The following BTD variants were observed in gnomAD, a reference collection of about 807,000 sequenced individuals.
BTD encodes the protein biotinidase, also known as biocytinase.
In BTD, 13 loss-of-function variants were observed where a neutral mutation model predicts 17.7. The ratio of observed to expected loss-of-function variants is 0.74; its 90% CI spans 0.48 to 1.17. The LOEUF is 1.17. Among genes scored for constraint, BTD ranks in the 50% most tolerant of loss-of-function variants. BTD has a pLI of 0.00. For missense variants in BTD, 674 were observed against 650.4 expected (o/e 1.04, Z -0.39); for synonymous variants, 240 against 245.2 (o/e 0.98, Z 0.20).
chr3:15,690,468 G>A (rs942601916), intron 3 of BTD, among the ~76,000 whole-genome samples: 1 of 152,212 alleles, frequency 6.6e-6, no homozygotes, highest in Non-Finnish European at 1.5e-5. Flanking sequence ...ATCTTTTCAT[G>A]AGTATACAAT....
intron 4 of BTD, among the ~76,000 whole-genome samples, chr3:15,721,542 T>C (rs1410093538): frequency 2.6e-5 from 4 of 152,196 alleles, no homozygotes; most frequent in Admixed American, 2.6e-4. Flanking sequence ...TTCATCTTTT[T>C]CATTTTGCAG....
In BTD at chr3:15,601,840, G is replaced by C; in HGVS notation, c.-71G>C. ...GGCCAGCTGGAGCGTTTTCGGGGCT[G>C]TAAAGGGAGAATGGCGCATGCGCAT... On this transcript the variant is annotated 5_prime_UTR_variant, in exon 1 of 4. Coordinates refer to ENST00000643237, the MANE Select transcript of BTD (RefSeq NM_001370658.1). The C allele has an allele frequency of 6.2e-7, 1 of 1,614,214 alleles. No homozygotes were observed. The highest frequency in any genetic ancestry group is 1.1e-5 in the South Asian group (1 of 91,078).
chr3:15,666,003 T>A (rs1228399337), intron 3 of BTD, among the ~76,000 whole-genome samples: 1 of 151,990 alleles, frequency 6.6e-6, no homozygotes, highest in African/African-American at 2.4e-5. Context: ...ACAACTTAGA[T>A]TTGGGGTGGT....
intron 3 of BTD, chr3:15,690,004 T>G: frequency 1.2e-5 from 19 of 1,586,884 alleles, no homozygotes; most frequent in Non-Finnish European, 1.6e-5. Flanking sequence ...AAATCAAGCA[T>G]AATATCTGGC....
chr3:15,675,133 C>T (rs922007520), intron 3 of BTD, among the ~76,000 whole-genome samples: 3 of 151,966 alleles, frequency 2.0e-5, no homozygotes, highest in African/African-American at 7.3e-5. Flanking sequence ...AGCCAGGCGT[C>T]GTGGCAGGTG....
rs1429019130 is a variant in BTD at position 15,650,073 on chromosome 3, C to T, written c.*4585C>T. Among the ~76,000 whole-genome samples, 1 of 152,238 alleles carries T rather than the reference C, an allele frequency of 6.6e-6. No homozygotes were observed. The highest frequency in any genetic ancestry group is 1.5e-5 in the Non-Finnish European group (1 of 68,038). ...GAGACCCACCCTCTAAGACCAGAGC[C>T]AGTGTCCTATTCATCTTTTGTCTCT... On this transcript the variant is annotated 3_prime_UTR_variant, in exon 4 of 4. Coordinates refer to ENST00000643237, the MANE Select transcript of BTD (RefSeq NM_001370658.1).
chr3:15,687,332 G>T (rs1052321761), intron 3 of BTD, among the ~76,000 whole-genome samples: 17 of 150,188 alleles, frequency 1.1e-4, no homozygotes, highest in South Asian at 8.4e-4. Context: ...AATTTCAAAT[G>T]ATATATATAT....
intron 1 of BTD, among the ~76,000 whole-genome samples, chr3:15,615,824 A>G (rs1203448469): frequency 1.3e-5 from 2 of 152,214 alleles, no homozygotes; most frequent in Non-Finnish European, 2.9e-5. Flanking sequence ...AACACTTGGC[A>G]ACCACTGATC....
At chr3:15,643,880 G>T in intron 3 of BTD, among the ~76,000 whole-genome samples, 1 of 98,218 alleles carries the variant, frequency 1.0e-5, no homozygotes, top group Non-Finnish European at 1.9e-5. Flanking sequence ...AATGTAACAA[G>T]ACCCTGTCTC....
intron 3 of BTD, chr3:15,686,454 A>T (rs772676432): frequency 1.5e-6 from 1 of 684,094 alleles, no homozygotes; most frequent in Non-Finnish European, 2.4e-6. Flanking sequence ...AGGTAAAAAG[A>T]AGGTTTCTAC....
chr3:15,618,595 G>A (rs1010287165), intron 1 of BTD, among the ~76,000 whole-genome samples: 7 of 151,630 alleles, frequency 4.6e-5, no homozygotes, highest in South Asian at 2.1e-4. Flanking sequence ...GTGCGATCTC[G>A]GCTCACTGCA....
At chr3:15,711,970 A>G (rs2072347535) in exon 4 of BTD, among the ~76,000 whole-genome samples, 1 of 152,052 alleles carries the variant, frequency 6.6e-6, no homozygotes. Context: ...TGCTGGGATT[A>G]CAGGCATGAG....
At chr3:15,716,834 T>C (rs777918474), downstream of BTD, among the ~76,000 whole-genome samples, 1 of 152,174 alleles carries the variant, frequency 6.6e-6, no homozygotes, top group African/African-American at 2.4e-5. Flanking sequence ...CGGTGGCTCA[T>C]ATCTATAATT....
At chr3:15,709,279 A>C (rs2071898857) in intron 3 of BTD, among the ~76,000 whole-genome samples, 1 of 152,240 alleles carries the variant, frequency 6.6e-6, no homozygotes, top group Non-Finnish European at 1.5e-5. Flanking sequence ...TATGGGCAGT[A>C]GAATCCCTCA....
chr3:15,706,283 T>C (rs972308155), intron 3 of BTD, among the ~76,000 whole-genome samples: 2 of 151,080 alleles, frequency 1.3e-5, no homozygotes, highest in Non-Finnish European at 3.0e-5. Flanking sequence ...ATGTTCCCCT[T>C]CCTGTGTCCA....
intron 3 of BTD, among the ~76,000 whole-genome samples, chr3:15,670,826 G>A (rs777029259): frequency 1.9e-4 from 29 of 152,282 alleles, no homozygotes; most frequent in Non-Finnish European, 8.8e-5. Flanking sequence ...CAACTTATCC[G>A]TATCCATCTG....
intron 3 of BTD, chr3:15,669,012 TTCTC>T (rs765141207): frequency 1.3e-5 from 2 of 152,560 alleles, no homozygotes; most frequent in Admixed American, 1.3e-4. Flanking sequence ...AATATCAGCC[TTCTC>T]TCTCTCTTTT....
chr3:15,685,076 C>T (rs542526107), intron 3 of BTD: 117 of 707,396 alleles, frequency 1.7e-4, no homozygotes, highest in Non-Finnish European at 2.3e-4. Flanking sequence ...AGTGAGCCTA[C>T]GTACTAAGTA....
downstream of BTD, among the ~76,000 whole-genome samples, chr3:15,657,639 C>T (rs536104474): frequency 6.6e-6 from 1 of 152,252 alleles, no homozygotes; most frequent in East Asian, 1.9e-4. Context: ...AGTAAGTAGC[C>T]TTTCCATATT....
Sources: allele counts gnomAD v4.1 joint callset (sites outside exome capture counted in the v4.1 genomes callset), GRCh38; gene constraint gnomAD v4.1.1; transcripts MANE v1.5; gene names NCBI Gene and HGNC (gene_info 2026-07-23, HGNC 2026-07-21).